RNF24: variants seen among roughly 807,000 people sequenced by gnomAD.
RNF24 encodes the protein ring finger protein 24.
A neutral mutation model predicts 20.0 loss-of-function variants in RNF24; 14 were observed. That is an observed-to-expected ratio of 0.70 (90% CI 0.46 to 1.10). The LOEUF (loss-of-function observed/expected upper bound fraction) is 1.10, where lower values mean the gene tolerates loss of function less well. RNF24 is among the 50% of genes least tolerant of loss of function. The pLI is 0.00. For synonymous variants in RNF24, 45 were observed against 61.1 expected (o/e 0.74, Z 1.23); for missense variants, 124 against 177.6 (o/e 0.70, Z 1.71).
intron 1 of RNF24, among the ~76,000 whole-genome samples, chr20:3,968,112 T>C (rs570488920): frequency 6.6e-6 from 1 of 151,270 alleles, no homozygotes; most frequent in African/African-American, 2.4e-5. Context: ...GAGACCTGCC[T>C]GGCTAATGTG....
intron 1 of RNF24, among the ~76,000 whole-genome samples, chr20:3,996,429 CA>C (rs1323684489): frequency 4.6e-5 from 7 of 152,124 alleles, no homozygotes; most frequent in African/African-American, 1.7e-4. Flanking sequence ...TTTAGAGAAT[CA>C]GTATCGGCTA....
intron 1 of RNF24, among the ~76,000 whole-genome samples, chr20:3,965,953 G>A (rs373872085): frequency 3.9e-5 from 6 of 152,092 alleles, no homozygotes; most frequent in African/African-American, 1.4e-4. Context: ...GGCCAACATG[G>A]CGACAATGTG....
chr20:3,929,768 T>G lies in RNF24; in HGVS notation c.*4295A>C, dbSNP rs774090990. On this transcript the variant is annotated 3_prime_UTR_variant, in exon 6 of 6. Coordinates refer to ENST00000358395, the MANE Select transcript of RNF24 (RefSeq NM_001134337.3). The stretch of plus-strand genomic sequence containing the variant: ...GCAGATAGAAAGTCAATCAGAAAAA[T>G]CTGGTTGTGCTCTTGGATTAGCTGG... 1 of 152,176 alleles carries G rather than the reference T, an allele frequency of 6.6e-6. No homozygotes were observed. Among genetic ancestry groups the G allele is most frequent in the Non-Finnish European group, 1.5e-5 (1 of 68,026 alleles). The allele number at this position is 152,176 out of a possible 1,614,324, so 9.4% of individuals were successfully genotyped here.
chr20:3,974,322 G>C, intron 1 of RNF24: 1 of 1,550,354 alleles, frequency 6.5e-7, no homozygotes, highest in Non-Finnish European at 8.7e-7. Flanking sequence ...GTGAAAGACT[G>C]AATACTTACC....
chr20:3,946,693 CAAAA>C (rs59440287), intron 3 of RNF24, among the ~76,000 whole-genome samples: 8 of 104,384 alleles, frequency 7.7e-5, no homozygotes, highest in Admixed American at 1.1e-4. Flanking sequence ...GAGACCCCGT[CAAAA>C]AAAAAAAAAA....
chr20:3,951,605 CATTT>C lies in RNF24; in HGVS notation c.144-3330_144-3327del, dbSNP rs201289238. ...TCTATAAGGAAGAGATGTGCTTCCT[CATTT>C]ATTTGTGCAATTATTTATTTCTATC... is the stretch of plus-strand genomic sequence containing the variant. On this transcript the variant is annotated intron_variant, in intron 2 of 5. Transcript: ENST00000358395. Among the ~76,000 whole-genome samples, 695 of 152,308 alleles carry C rather than the reference CATTT, an allele frequency of 4.6e-3. 4 individuals carry two copies. Among genetic ancestry groups the C allele is most frequent in the African/African-American group, 0.016 (673 of 41,548 alleles).
At chr20:3,982,023 T>G (rs1395308225) in intron 1 of RNF24, among the ~76,000 whole-genome samples, 3 of 150,950 alleles carry the variant, frequency 2.0e-5, no homozygotes, top group Non-Finnish European at 4.4e-5. Flanking sequence ...TAGGGTGAGG[T>G]GGGAGGATCA....
intron 1 of RNF24, among the ~76,000 whole-genome samples, chr20:3,988,152 G>A (rs1452749020): frequency 2.0e-5 from 3 of 151,832 alleles, no homozygotes; most frequent in African/African-American, 4.8e-5. Context: ...GCAAGACTCC[G>A]TCTCTACAAA....
At chr20:3,950,309 AT>A (rs2091066816) in intron 2 of RNF24, among the ~76,000 whole-genome samples, 1 of 152,198 alleles carries the variant, frequency 6.6e-6, no homozygotes, top group South Asian at 2.1e-4. Context: ...TTTGACTGCT[AT>A]CCTTATAAGA....
At chr20:3,937,834 C>A (rs533365878) in intron 4 of RNF24, among the ~76,000 whole-genome samples, 1 of 152,024 alleles carries the variant, frequency 6.6e-6, no homozygotes, top group African/African-American at 2.4e-5. Context: ...ATGTATGTAC[C>A]GCATTTTGTT....
intron 1 of RNF24, among the ~76,000 whole-genome samples, chr20:3,975,862 C>T (rs145471354): frequency 6.6e-6 from 1 of 151,960 alleles, no homozygotes; most frequent in African/African-American, 2.4e-5. Flanking sequence ...TCAGAAGGAA[C>T]AACCTTGCTA....
At chr20:3,954,793 G>A (rs1023321423) in intron 2 of RNF24, among the ~76,000 whole-genome samples, 4 of 151,914 alleles carry the variant, frequency 2.6e-5, no homozygotes, top group African/African-American at 4.8e-5. Context: ...CAACTACTTG[G>A]GAGGCTGAGG....
chr20:4,004,199 A>G (rs1788378126), intron 1 of RNF24, among the ~76,000 whole-genome samples: 1 of 152,218 alleles, frequency 6.6e-6, no homozygotes, highest in East Asian at 1.9e-4. Flanking sequence ...AATTCTGTCC[A>G]TCCTTCATAA....
At chr20:3,952,984 G>T (rs888083094) in intron 2 of RNF24, among the ~76,000 whole-genome samples, 64 of 151,976 alleles carry the variant, frequency 4.2e-4, no homozygotes, top group Non-Finnish European at 1.0e-4. Context: ...TCCTTGTCAG[G>T]CTTTGAAATC....
chr20:3,990,659 A>G (rs761664633), intron 1 of RNF24, among the ~76,000 whole-genome samples: 6 of 152,060 alleles, frequency 3.9e-5, no homozygotes, highest in Non-Finnish European at 8.8e-5. Context: ...GGAGTTAGAG[A>G]CCAGCCTGGG....
At chr20:3,937,510 G>A (rs1285144166) in intron 4 of RNF24, among the ~76,000 whole-genome samples, 1 of 151,986 alleles carries the variant, frequency 6.6e-6, no homozygotes, top group Non-Finnish European at 1.5e-5. Flanking sequence ...AGGTATATAT[G>A]TGCAGCCATC....
At chr20:3,964,751 C>T (rs1408749435) in intron 1 of RNF24, among the ~76,000 whole-genome samples, 1 of 152,108 alleles carries the variant, frequency 6.6e-6, no homozygotes, top group Admixed American at 6.6e-5. Flanking sequence ...CTCGTGGGCT[C>T]AAGCAATCAT....
At chr20:3,957,231 G>A (rs1249812384) in intron 2 of RNF24, among the ~76,000 whole-genome samples, 3 of 152,102 alleles carry the variant, frequency 2.0e-5, no homozygotes, top group Non-Finnish European at 4.4e-5. Flanking sequence ...CCATGAGGCG[G>A]AGGTTGCAGT....
Position 3,948,247 on chromosome 20 carries a change from G to A in RNF24, c.176C>T (p.Ala59Val), listed in dbSNP as rs2091043491. Reference protein sequence around the residue: ...LRHQAHKEFYAYKQVILKEKV... With the variant: ...LRHQAHKEFYVYKQVILKEKV... ...AATTAAATTTCTCACCTGTTTGTAGGCATAAAATTCTTTGTGTGCTTGATG... is the reference window on the plus strand; with the variant it reads ...AATTAAATTTCTCACCTGTTTGTAGACATAAAATTCTTTGTGTGCTTGATG... Residue 59 changes from alanine to valine, a missense_variant, in exon 3 of 6, where the codon GCC becomes GTC. Coordinates refer to ENST00000358395, the MANE Select transcript of RNF24 (RefSeq NM_001134337.3). 6.3e-7 allele frequency: 1 copy of A among 1,587,844 alleles called. No individual in the cohort carries two copies. Among genetic ancestry groups the A allele is most frequent in the Non-Finnish European group, 8.5e-7 (1 of 1,171,438 alleles).
Sources: allele counts gnomAD v4.1 joint callset (sites outside exome capture counted in the v4.1 genomes callset), GRCh38; gene constraint gnomAD v4.1.1; transcripts MANE v1.5; gene names NCBI Gene and HGNC (gene_info 2026-07-23, HGNC 2026-07-21).